CCDC201: variants seen among roughly 807,000 people sequenced by gnomAD.
The protein encoded by CCDC201 is coiled-coil domain containing 201.
At chr7:45,877,190 T>A (rs1015237475), upstream of CCDC201, among the ~76,000 whole-genome samples, 1 of 152,210 alleles carries the variant, frequency 6.6e-6, no homozygotes, top group Non-Finnish European at 1.5e-5. Context: ...TCTCTCTACA[T>A]CTTCTACCCA....
the CCDC201 span, among the ~76,000 whole-genome samples, chr7:45,879,070 CA>C: frequency 1.3e-5 from 2 of 152,228 alleles, no homozygotes; most frequent in African/African-American, 4.8e-5. Context: ...ATCCCTCGAG[CA>C]GGGGCAAAAT....
chr7:45,876,016 T>A (rs77159065), upstream of CCDC201, among the ~76,000 whole-genome samples: 216 of 152,254 alleles, frequency 1.4e-3, 4 homozygotes, highest in East Asian at 0.039. Context: ...TTCTGTCACA[T>A]GGGAAAAGAG....
chr7:45,874,749 C>G (rs1291958790), upstream of CCDC201, among the ~76,000 whole-genome samples: 1 of 152,214 alleles, frequency 6.6e-6, no homozygotes, highest in African/African-American at 2.4e-5. Flanking sequence ...AGCCGGGTGA[C>G]TGGCTCCAGG....
chr7:45,878,357 T>A, the CCDC201 span, among the ~76,000 whole-genome samples: 1 of 152,238 alleles, frequency 6.6e-6, no homozygotes, highest in Non-Finnish European at 1.5e-5. Context: ...AGCCCCACAT[T>A]TCACTTCCAC....
At chr7:45,868,789 C>G (rs1472048111) in intron 1 of CCDC201, among the ~76,000 whole-genome samples, 1 of 152,208 alleles carries the variant, frequency 6.6e-6, no homozygotes, top group East Asian at 1.9e-4. Context: ...AAACACAGCT[C>G]TCATTTTCTA....
intron 2 of CCDC201, among the ~76,000 whole-genome samples, chr7:45,864,876 G>A (rs1000779193): frequency 1.3e-5 from 2 of 152,114 alleles, no homozygotes; most frequent in Non-Finnish European, 2.9e-5. Flanking sequence ...GATCACAGAC[G>A]GAGAAAGAAC....
exon 3 of CCDC201, chr7:45,861,610 T>A (rs1335880147): frequency 6.6e-6 from 1 of 152,216 alleles, no homozygotes; most frequent in African/African-American, 2.4e-5. Context: ...AGGAATATTT[T>A]CCACCCACCC....
At chr7:45,878,232 A>C in the CCDC201 span, among the ~76,000 whole-genome samples, 1 of 152,228 alleles carries the variant, frequency 6.6e-6, no homozygotes, top group Non-Finnish European at 1.5e-5. Context: ...CAGCTTTTCC[A>C]GGTGCACAGT....
At chr7:45,866,314 G>C (rs1366799447) in exon 2 of CCDC201, 1 of 153,492 alleles carries the variant, frequency 6.5e-6, no homozygotes, top group Non-Finnish European at 1.5e-5. Context: ...TGGGATGCAA[G>C]GTCCTGAGAG....
At chr7:45,865,479 C>T (rs192348503) in intron 2 of CCDC201, among the ~76,000 whole-genome samples, 1 of 152,298 alleles carries the variant, frequency 6.6e-6, no homozygotes, top group Admixed American at 6.5e-5. Flanking sequence ...CAGGAGTGCT[C>T]CAGGAATGTA....
the CCDC201 span, among the ~76,000 whole-genome samples, chr7:45,882,882 ATCCCTGCC>A: frequency 6.6e-6 from 1 of 152,206 alleles, no homozygotes; most frequent in South Asian, 2.1e-4. Flanking sequence ...ACAACTGTTC[ATCCCTGCC>A]TCCCAAAATA....
intron 1 of CCDC201, among the ~76,000 whole-genome samples, chr7:45,869,346 C>G (rs1310392795): frequency 6.6e-6 from 1 of 152,214 alleles, no homozygotes; most frequent in Non-Finnish European, 1.5e-5. Flanking sequence ...AGGAAATATT[C>G]AAACCCAGAT....
upstream of CCDC201, among the ~76,000 whole-genome samples, chr7:45,873,680 G>T (rs1006500787): frequency 6.6e-6 from 1 of 152,298 alleles, no homozygotes; most frequent in African/African-American, 2.4e-5. Flanking sequence ...AAGGCAACAC[G>T]TGCCACAGAG....
the CCDC201 span, among the ~76,000 whole-genome samples, chr7:45,880,067 CAG>C: frequency 6.6e-6 from 1 of 152,186 alleles, no homozygotes; most frequent in African/African-American, 2.4e-5. Context: ...GCCCGGGTGA[CAG>C]AGTGAGACTC....
chr7:45,871,383 AC>A (rs1441954711), intron 1 of CCDC201, among the ~76,000 whole-genome samples: 1 of 152,044 alleles, frequency 6.6e-6, no homozygotes, highest in African/African-American at 2.4e-5. Context: ...AGAAAAAAAA[AC>A]AAAAAAATTA....
the CCDC201 span, among the ~76,000 whole-genome samples, chr7:45,878,697 C>T: frequency 2.0e-5 from 3 of 152,346 alleles, no homozygotes; most frequent in Admixed American, 6.5e-5. Context: ...CCTCCTGGGC[C>T]TCTGGGCCTG....
At chr7:45,880,219 TTTTTATTA>T in the CCDC201 span, among the ~76,000 whole-genome samples, 2 of 152,364 alleles carry the variant, frequency 1.3e-5, no homozygotes, top group African/African-American at 2.4e-5. Flanking sequence ...GAGGAGTTAT[TTTTTATTA>T]TTTTATTATT....
chr7:45,879,715 G>C, the CCDC201 span, among the ~76,000 whole-genome samples: 1 of 152,172 alleles, frequency 6.6e-6, no homozygotes, highest in African/African-American at 2.4e-5. Context: ...TGGGGACACA[G>C]AGCCAAACCA....
chr7:45,875,804 A>C (rs1198232917), upstream of CCDC201, among the ~76,000 whole-genome samples: 2 of 152,158 alleles, frequency 1.3e-5, no homozygotes, highest in Non-Finnish European at 1.5e-5. Context: ...GTGACTGAGG[A>C]CAGAGTGGTT....
Sources: allele counts gnomAD v4.1 joint callset (sites outside exome capture counted in the v4.1 genomes callset), GRCh38; gene constraint gnomAD v4.1.1; transcripts MANE v1.5; gene names NCBI Gene and HGNC (gene_info 2026-07-23, HGNC 2026-07-21).